The following ACACA variants were observed in gnomAD, a reference collection of about 807,000 sequenced individuals.
ACACA encodes acetyl-CoA carboxylase 1.
ACACA carries 103 observed loss-of-function variants against 296.1 expected under a neutral mutation model. The observed-to-expected ratio is 0.35, with a 90% CI of 0.30 to 0.41. The LOEUF is 0.41. Ranked by LOEUF, ACACA falls within the 10% of genes least tolerant of loss-of-function variation. The pLI, the probability that ACACA is intolerant of heterozygous loss-of-function variation, is 1.00. For synonymous variants in ACACA, 953 were observed against 1,038.6 expected (o/e 0.92, Z 1.58); for missense variants, 1,554 against 2,989.7 (o/e 0.52, Z 11.20).
At chr17:37,115,808 G>T (rs1399320715) in intron 50 of ACACA, among the ~76,000 whole-genome samples, 2 of 152,060 alleles carry the variant, frequency 1.3e-5, no homozygotes, top group Non-Finnish European at 2.9e-5. Flanking sequence ...TTGTGTACCA[G>T]GGAACATGAT....
intron 45 of ACACA, among the ~76,000 whole-genome samples, chr17:37,138,573 A>G (rs1369905310): frequency 6.6e-6 from 1 of 152,200 alleles, no homozygotes; most frequent in East Asian, 1.9e-4. Context: ...ATGGTGCTCT[A>G]AATGCACAAA....
chr17:37,233,649 T>C (rs778164074), intron 25 of ACACA, among the ~76,000 whole-genome samples: 13 of 152,180 alleles, frequency 8.5e-5, no homozygotes, highest in Non-Finnish European at 1.6e-4. Flanking sequence ...ACAGAAAGTC[T>C]TGGCTTTATC....
intron 2 of ACACA, among the ~76,000 whole-genome samples, chr17:37,337,449 T>A (rs2048177266): frequency 6.8e-6 from 1 of 147,440 alleles, no homozygotes; most frequent in Non-Finnish European, 1.5e-5. Flanking sequence ...TAAAGAAAAC[T>A]ATAGACATTT....
rs534425772 is a variant in ACACA at position 37,104,503 on chromosome 17, G to T, written c.6566-6519C>A. Among the ~76,000 whole-genome samples, 24 of 152,316 alleles carry T rather than the reference G, an allele frequency of 1.6e-4. No homozygotes were observed. The East Asian group carries it at 4.1e-3, about 26-fold the overall frequency. On this transcript the variant is annotated intron_variant, in intron 52 of 55. Transcript: ENST00000616317. Reference sequence around the variant, plus strand: ...TAGGCAACAGTGGAGTTGTGATTTTGGACTAGGTAATCTGGTTTAAGAGCC... The same window carrying T: ...TAGGCAACAGTGGAGTTGTGATTTTTGACTAGGTAATCTGGTTTAAGAGCC...
At chr17:37,401,972 G>C (rs190150425) in intron 1 of ACACA, among the ~76,000 whole-genome samples, 5 of 152,108 alleles carry the variant, frequency 3.3e-5, no homozygotes, top group Non-Finnish European at 5.9e-5. Flanking sequence ...CAAGATACAA[G>C]TTTTCTTCGT....
At chr17:37,310,249 A>AAT (rs570445683) in intron 3 of ACACA, among the ~76,000 whole-genome samples, 7 of 152,240 alleles carry the variant, frequency 4.6e-5, no homozygotes, top group African/African-American at 1.7e-4. Flanking sequence ...ACTGAAGTAC[A>AAT]ATTCCCAGGT....
intron 1 of ACACA, among the ~76,000 whole-genome samples, chr17:37,399,656 A>G (rs2147845100): frequency 6.6e-6 from 1 of 152,230 alleles, no homozygotes; most frequent in South Asian, 2.1e-4. Context: ...GATATTCCGC[A>G]CTCTGTGTAC....
At chr17:37,235,782 T>C (rs1028825300) in intron 24 of ACACA, among the ~76,000 whole-genome samples, 2 of 152,170 alleles carry the variant, frequency 1.3e-5, no homozygotes, top group African/African-American at 4.8e-5. Flanking sequence ...AAGGAGAACC[T>C]TGCATTAAGT....
chr17:37,197,797 T>C (rs2078071761), intron 35 of ACACA, among the ~76,000 whole-genome samples: 1 of 152,222 alleles, frequency 6.6e-6, no homozygotes, highest in South Asian at 2.1e-4. Flanking sequence ...TTAAAGGGAC[T>C]AACATAAAAA....
At chr17:37,156,834 C>A (rs941652500) in intron 42 of ACACA, among the ~76,000 whole-genome samples, 56 of 152,188 alleles carry the variant, frequency 3.7e-4, no homozygotes, top group African/African-American at 1.2e-3. Context: ...AAATGTATGT[C>A]CCACAGTGAG....
intron 14 of ACACA, among the ~76,000 whole-genome samples, chr17:37,253,935 T>C (rs1012592498): frequency 6.6e-6 from 1 of 152,210 alleles, no homozygotes; most frequent in Non-Finnish European, 1.5e-5. Flanking sequence ...TGGATATCTA[T>C]GCAATGATTT....
chr17:37,119,321 T>C (rs547926236), intron 50 of ACACA, among the ~76,000 whole-genome samples: 1 of 152,194 alleles, frequency 6.6e-6, no homozygotes, highest in Non-Finnish European at 1.5e-5. Context: ...CTGACTTATT[T>C]TGACTTATTT....
At chr17:37,274,871 C>T (rs2082210243) in intron 8 of ACACA, among the ~76,000 whole-genome samples, 1 of 152,024 alleles carries the variant, frequency 6.6e-6, no homozygotes, top group Non-Finnish European at 1.5e-5. Context: ...TTGCAATCTC[C>T]CTGGAGAGCC....
chr17:37,256,656 C>G (rs2081241984), intron 14 of ACACA, among the ~76,000 whole-genome samples: 2 of 152,122 alleles, frequency 1.3e-5, no homozygotes, highest in African/African-American at 4.8e-5. Flanking sequence ...TGCTTGAGCC[C>G]AGGAGGTCGA....
At chr17:37,262,081 T>C (rs1377575752) in intron 11 of ACACA, among the ~76,000 whole-genome samples, 1 of 152,056 alleles carries the variant, frequency 6.6e-6, no homozygotes, top group Non-Finnish European at 1.5e-5. Context: ...AAAGGCTATG[T>C]GTGCTCTGAA....
intron 4 of ACACA, among the ~76,000 whole-genome samples, chr17:37,284,238 T>C (rs549259753): frequency 2.3e-4 from 35 of 152,318 alleles, no homozygotes; most frequent in African/African-American, 6.0e-4. Context: ...GTATATTCCC[T>C]TGAAACATCT....
intron 3 of ACACA, among the ~76,000 whole-genome samples, chr17:37,295,357 T>C (rs1486321544): frequency 6.6e-6 from 1 of 152,196 alleles, no homozygotes; most frequent in Non-Finnish European, 1.5e-5. Flanking sequence ...ACTTTGGGAT[T>C]ACCTCCTGGC....
At chr17:37,178,877 T>C (rs2077217335) in intron 41 of ACACA, among the ~76,000 whole-genome samples, 1 of 152,164 alleles carries the variant, frequency 6.6e-6, no homozygotes, top group Non-Finnish European at 1.5e-5. Context: ...TCTATTTTCA[T>C]GTACCTATCA....
chr17:37,209,875 T>C (rs1385402917), intron 30 of ACACA, among the ~76,000 whole-genome samples: 1 of 152,188 alleles, frequency 6.6e-6, no homozygotes, highest in Non-Finnish European at 1.5e-5. Context: ...TATATTAGCC[T>C]GGAAACCTCC....
Sources: gnomAD v4.1 joint callset for allele counts (sites outside exome capture counted in the v4.1 genomes callset) on GRCh38, gnomAD v4.1.1 for gene constraint, MANE v1.5 for transcripts, NCBI Gene and HGNC (gene_info 2026-07-23, HGNC 2026-07-21) for gene names.